ATXN2: variants seen among roughly 807,000 people sequenced by gnomAD.
ATXN2 encodes the protein ataxin 2.
Under a neutral mutation model 138.6 loss-of-function variants are expected in ATXN2, and 37 were observed. The observed-to-expected ratio is 0.27, with a 90% CI of 0.21 to 0.35. ATXN2 has a LOEUF of 0.35. Among genes scored for constraint, ATXN2 ranks in the 10% least tolerant of loss-of-function variants. The pLI is 1.00. For missense variants in ATXN2, 1,216 were observed against 1,480.3 expected (o/e 0.82, Z 2.93); for synonymous variants, 549 against 543.7 (o/e 1.01, Z -0.13).
At chr12:111,581,408 C>T (rs551502248) in intron 1 of ATXN2, 7 of 720,528 alleles carry the variant, frequency 9.7e-6, no homozygotes, top group African/African-American at 7.0e-5. Flanking sequence ...CCTCTTCACT[C>T]CTGCCAACAT....
Position 111,598,949 on chromosome 12 carries a change from G to GGCGGCTGCTGCTGCT in ATXN2, c.85_86insAGCAGCAGCAGCCGC (p.Gln28_Pro29insGlnGlnGlnGlnPro), listed in dbSNP as rs1555246667. On this transcript the variant is annotated inframe_insertion, in exon 1 of 25. Coordinates refer to ENST00000673436, the MANE Select transcript of ATXN2 (RefSeq NM_001372574.1). The surrounding 1 kb of genome is among the most constrained non-coding windows in gnomAD (Gnocchi z 4.5). ...GCGGACATTGGCAGCCGCGGGCGGCGGCTGCTGCTGCTGCTGCTGCTGCTG... is the reference window on the plus strand; with the variant it reads ...GCGGACATTGGCAGCCGCGGGCGGCGGCGGCTGCTGCTGCTGCTGCTGCTGCTGCTGCTGCTGCTG... The GGCGGCTGCTGCTGCT allele has an allele frequency of 1.5e-5, 21 of 1,411,992 alleles. 1 individual carries two copies. The South Asian group carries it at 2.4e-4, about 16-fold the overall frequency. The allele number at this position is 1,411,992 out of a possible 1,614,324, so 87.5% of individuals were successfully genotyped here. A position where few individuals can be genotyped will look rare whatever the true frequency, so the allele number is the denominator to read the frequency against.
chr12:111,514,077 A>T (rs1284618053), intron 10 of ATXN2, among the ~76,000 whole-genome samples: 1 of 152,140 alleles, frequency 6.6e-6, no homozygotes, highest in Non-Finnish European at 1.5e-5. Context: ...AATTTCTCTA[A>T]AATTTTAGTT....
At chr12:111,576,121 A>G (rs1245608660) in intron 1 of ATXN2, among the ~76,000 whole-genome samples, 11 of 139,404 alleles carry the variant, frequency 7.9e-5, no homozygotes, top group African/African-American at 3.6e-4. Flanking sequence ...ATAACATAAC[A>G]TAACATAACA....
In ATXN2 at chr12:111,598,503, C is replaced by G; in HGVS notation, c.251+281G>C. The G allele has an allele frequency of 1.0e-6, 1 of 984,874 alleles. No individual in the cohort carries two copies. Among genetic ancestry groups the G allele is most frequent in the South Asian group, 4.7e-5 (1 of 21,254 alleles). 61.0% of individuals were successfully genotyped at this position (984,874 alleles called of 1,614,324 possible). On this transcript the variant is annotated intron_variant, in intron 1 of 24. Transcript: ENST00000673436. The surrounding 1 kb of genome is among the most constrained non-coding windows in gnomAD (Gnocchi z 4.5). ...GCCGCTACCCGAGAACCCCTCCCAA[C>G]ACGCGTGGGGAGGGGAGGCCGCCCG...
At position 111,465,268 on chromosome 12, in the gene ATXN2, C is replaced by G. The variant is rs182863628; in HGVS notation, c.2843-553G>C. 2.0e-3 allele frequency among the ~76,000 whole-genome samples: 296 copies of G among 150,704 alleles called. 1 individual carries two copies. The highest frequency in any genetic ancestry group is 6.9e-3 in the African/African-American group (283 of 40,952). ...CATCAAAATGTTAAAAGGCAGTTGT[C>G]AGGTGGAGGGATTATGGATGCTTTT... On this transcript the variant is annotated intron_variant, in intron 20 of 24. Transcript: ENST00000673436.
chr12:111,516,318 G>A lies in ATXN2; in HGVS notation c.1211C>T (p.Pro404Leu). The A allele has an allele frequency of 6.3e-7, 1 of 1,586,204 alleles. No individual in the cohort carries two copies. Among genetic ancestry groups the A allele is most frequent in the Non-Finnish European group, 8.5e-7 (1 of 1,169,982 alleles). ...GTTGGGACCTGACTGGTAGCGAGAA[G>A]GTGGGCGAGAGGAAGGAGATGGGCA... ...SPCPSPSSRPPSRYQSGPNSL... is the reference protein window; with the variant it reads ...SPCPSPSSRPLSRYQSGPNSL... The change falls in exon 10 of 25, where the codon CCT becomes CTT. Residue 404 changes from proline to leucine, a missense_variant. Physicochemically the swap from Pro to Leu is moderately conservative, Grantham distance 98 (BLOSUM62 -3). Coordinates refer to ENST00000673436, the MANE Select transcript of ATXN2 (RefSeq NM_001372574.1). The surrounding 1 kb of genome is among the most constrained non-coding windows in gnomAD (Gnocchi z 5.0).
chr12:111,544,235 T>C (rs1881689783), intron 5 of ATXN2, among the ~76,000 whole-genome samples: 1 of 152,236 alleles, frequency 6.6e-6, no homozygotes, highest in Non-Finnish European at 1.5e-5. Context: ...TTCTCCGTAC[T>C]GTCCATAGCA....
intron 14 of ATXN2, among the ~76,000 whole-genome samples, chr12:111,490,813 G>C (rs1483136348): frequency 6.6e-6 from 1 of 152,160 alleles, no homozygotes; most frequent in African/African-American, 2.4e-5. Context: ...TCGGGGGAGA[G>C]AGAGAGAAAT....
At chr12:111,560,455 A>G (rs1566064416) in intron 1 of ATXN2, among the ~76,000 whole-genome samples, 1 of 152,166 alleles carries the variant, frequency 6.6e-6, no homozygotes, top group Non-Finnish European at 1.5e-5. Flanking sequence ...AGAAATGACT[A>G]CACAGCATCA....
chr12:111,486,857 A>G (rs1250911963), intron 15 of ATXN2, 33 bp from the exon 16 acceptor site: 29 of 1,567,736 alleles, frequency 1.8e-5, no homozygotes, highest in African/African-American at 2.7e-5. Context: ...TGAAATCTAC[A>G]TGGACTTTAC....
In ATXN2 at chr12:111,470,717, T is replaced by C. The variant is rs1479199668; in HGVS notation, c.2550A>G (p.Gln850=). 1 of 1,614,154 alleles carries C rather than the reference T, an allele frequency of 6.2e-7. No homozygotes were observed. The highest frequency in any genetic ancestry group is 1.7e-5 in the Admixed American group (1 of 60,010). ...GKVPNMPQQR[Q]DQHHQSAMMH... is the part of the protein sequence containing the mutation. The stretch of plus-strand genomic sequence containing the variant: ...TCATGGCACTCTGATGATGCTGGTC[T>C]TGCCGCTGTTGGGGCATATTTGGTA... The change falls in exon 19 of 25, where the codon CAA becomes CAG. Residue 850 remains glutamine, a synonymous_variant. Transcript: ENST00000673436.
rs373436951 is a variant in ATXN2 at position 111,576,085 on chromosome 12, AATAACATAAC to A, written c.252-20176_252-20167del. Among the ~76,000 whole-genome samples the A allele has an allele frequency of 3.1e-3, 387 of 123,444 alleles. 2 individuals are homozygous for A. The highest frequency in any genetic ancestry group is 4.6e-3 in the Non-Finnish European group (273 of 59,004). The allele number at this position is 123,444 out of a possible 152,430, so 81.0% of individuals were successfully genotyped here. Reference sequence around the variant, plus strand: ...CGACAAGAGACAAACTCTGTCTTAAAATAACATAACATAACATAACATAACATAACATAAC... The same window carrying A: ...CGACAAGAGACAAACTCTGTCTTAAAATAACATAACATAACATAACATAAC... On this transcript the variant is annotated intron_variant, in intron 1 of 24. Coordinates refer to ENST00000673436, the MANE Select transcript of ATXN2 (RefSeq NM_001372574.1).
intron 1 of ATXN2, among the ~76,000 whole-genome samples, chr12:111,576,923 A>G (rs1388616360): frequency 6.6e-6 from 1 of 151,874 alleles, no homozygotes. Context: ...ACGCCACTGC[A>G]CTCCAGCCTG....
At chr12:111,574,286 C>T (rs1212736230) in intron 1 of ATXN2, among the ~76,000 whole-genome samples, 11 of 114,256 alleles carry the variant, frequency 9.6e-5, no homozygotes, top group African/African-American at 3.5e-4. Flanking sequence ...CCAGCCTGGG[C>T]GACAGAGCAA....
Position 111,591,271 on chromosome 12 carries a change from G to T in ATXN2, c.251+7513C>A, listed in dbSNP as rs1238674465. Among the ~76,000 whole-genome samples, 4 of 152,070 alleles carry T rather than the reference G, an allele frequency of 2.6e-5. No homozygotes were observed. In the East Asian group the frequency reaches 7.7e-4, roughly 29 times the overall value. On this transcript the variant is annotated intron_variant, in intron 1 of 24. Transcript: ENST00000673436. ...CAAAACCGGTCCCTAGTGTTAAAAA[G>T]GTTGAGGACCATTGCCTTAAAATAC...
intron 5 of ATXN2, among the ~76,000 whole-genome samples, chr12:111,540,051 G>A (rs964374825): frequency 6.7e-6 from 1 of 149,928 alleles, no homozygotes; most frequent in Non-Finnish European, 1.5e-5. Flanking sequence ...TTATAGATTC[G>A]GATTCTTTTC....
At chr12:111,525,156 C>A (rs1443130562) in intron 6 of ATXN2, 36 bp downstream of exon 6, 15 of 1,591,230 alleles carry the variant, frequency 9.4e-6, no homozygotes, top group Non-Finnish European at 1.0e-5. Context: ...GTCATACTGA[C>A]CAGAGTCTAG....
intron 1 of ATXN2, among the ~76,000 whole-genome samples, chr12:111,589,018 A>AAAAAAAAAAAAC (rs1566084089): frequency 7.2e-6 from 1 of 138,924 alleles, no homozygotes; most frequent in Non-Finnish European, 1.5e-5. Context: ...AAAAAAAAAA[A>AAAAAAAAAAAAC]AAAAAACTAA....
At chr12:111,520,720 T>C (rs1252745414) in intron 7 of ATXN2, among the ~76,000 whole-genome samples, 162 bp downstream of exon 7, 1 of 152,136 alleles carries the variant, frequency 6.6e-6, no homozygotes, top group African/African-American at 2.4e-5. Context: ...ACTACATTTA[T>C]TCCCTTTTTT....
Sources: allele counts gnomAD v4.1 joint callset (sites outside exome capture counted in the v4.1 genomes callset), GRCh38; gene constraint gnomAD v4.1.1; non-coding constraint Gnocchi (gnomAD v3.1); transcripts MANE v1.5; gene names NCBI Gene and HGNC (gene_info 2026-07-23, HGNC 2026-07-21).